The following FGF18 variants were observed in gnomAD, a reference collection of about 807,000 sequenced individuals.
The protein encoded by FGF18 is fibroblast growth factor 18.
In FGF18, 5 loss-of-function variants were observed where a neutral mutation model predicts 23.0. The ratio of observed to expected loss-of-function variants is 0.22; its 90% CI spans 0.11 to 0.46. FGF18 has a LOEUF of 0.46. FGF18 is among the 20% of genes least tolerant of loss of function. FGF18 has a pLI of 0.99. For missense variants in FGF18, 180 were observed against 291.6 expected (o/e 0.62, Z 2.79); for synonymous variants, 117 against 118.9 (o/e 0.98, Z 0.10).
intron 2 of FGF18, among the ~76,000 whole-genome samples, chr5:171,435,080 G>A (rs994626878): frequency 2.0e-5 from 3 of 152,184 alleles, no homozygotes; most frequent in African/African-American, 7.2e-5. Flanking sequence ...GCAGGAGTGT[G>A]TTTTGATTTT....
In FGF18 at chr5:171,449,241, G is replaced by A. The variant is rs146062033; in HGVS notation, c.345G>A (p.Lys115=). 33 of 1,613,526 alleles carry A rather than the reference G, an allele frequency of 2.0e-5. No individual in the cohort carries two copies. In the African/African-American group the frequency reaches 3.7e-4, roughly 18 times the overall value. The change falls in exon 4 of 5, where the codon AAG becomes AAA. Residue 115 remains lysine, a synonymous_variant. Coordinates refer to ENST00000274625, the MANE Select transcript of FGF18 (RefSeq NM_003862.3). ...ACCTGTGCATGAACCGCAAAGGCAA[G>A]CTCGTGGGGAAGGTGAGTGATGGTT... ...EFYLCMNRKG[K]LVGKPDGTSK... is the part of the protein sequence containing the mutation.
chr5:171,438,648 G>A (rs1333515772), intron 3 of FGF18, among the ~76,000 whole-genome samples: 1 of 151,962 alleles, frequency 6.6e-6, no homozygotes, highest in Non-Finnish European at 1.5e-5. Context: ...CCGACCCCCC[G>A]ACACCCAGGG....
intron 3 of FGF18, among the ~76,000 whole-genome samples, chr5:171,444,388 G>T (rs750938794): frequency 3.9e-5 from 6 of 152,204 alleles, no homozygotes; most frequent in African/African-American, 1.2e-4. Context: ...GTAAATTGGG[G>T]ATAATAACAA....
At chr5:171,441,434 T>G (rs1772342549) in intron 3 of FGF18, among the ~76,000 whole-genome samples, 1 of 152,188 alleles carries the variant, frequency 6.6e-6, no homozygotes, top group African/African-American at 2.4e-5. Flanking sequence ...ACAGCAGCCT[T>G]CCGGGCATCC....
rs557089223 is a variant in FGF18 at position 171,436,338 on chromosome 5, C to A, written c.250+65C>A. ...TACATGTCCTTCCTGGCCTCAGAGA[C>A]CTCAAGTTCAAATGCCAGCCTTGCT... is the stretch of plus-strand genomic sequence containing the variant. On this transcript the variant is annotated intron_variant, in intron 3 of 4. Coordinates refer to ENST00000274625, the MANE Select transcript of FGF18 (RefSeq NM_003862.3). This position sits in a 1 kb window ranked among gnomAD's most constrained non-coding sequence, Gnocchi z 4.4. 106 of 1,296,238 alleles carry A rather than the reference C, an allele frequency of 8.2e-5. 2 individuals carry two copies. The South Asian group carries it at 1.9e-3, about 23-fold the overall frequency. 80.3% of individuals were successfully genotyped at this position (1,296,238 alleles called of 1,614,324 possible).
chr5:171,432,396 T>C (rs138911760), intron 2 of FGF18, among the ~76,000 whole-genome samples: 2,279 of 152,044 alleles, frequency 0.015, 70 homozygotes, highest in African/African-American at 0.052. Context: ...AAAAATTATA[T>C]TTACTTATTT....
rs1458322429 is a variant in FGF18 at position 171,449,400 on chromosome 5, T to TGTGTGTGTGTGA, written c.357+148_357+149insTGTGTGTGTGAG. The TGTGTGTGTGTGA allele has an allele frequency of 3.5e-3, 1,250 of 362,056 alleles. 10 individuals are homozygous for TGTGTGTGTGTGA. The highest frequency in any genetic ancestry group is 5.5e-3 in the Middle Eastern group (6 of 1,098). The allele number at this position is 362,056 out of a possible 1,614,324, so 22.4% of individuals were successfully genotyped here. ...GTGTGTGTGTGTGTGTGTGTGTGTGTGAGAGAGAGAGAGAGAGAGAGAGAC... is the reference window on the plus strand; with the variant it reads ...GTGTGTGTGTGTGTGTGTGTGTGTGTGTGTGTGTGTGAGAGAGAGAGAGAGAGAGAGAGAGAC... On this transcript the variant is annotated intron_variant, in intron 4 of 4. Coordinates refer to ENST00000274625, the MANE Select transcript of FGF18 (RefSeq NM_003862.3).
At chr5:171,444,870 C>G (rs541653192) in intron 3 of FGF18, among the ~76,000 whole-genome samples, 1 of 152,268 alleles carries the variant, frequency 6.6e-6, no homozygotes, top group Non-Finnish European at 1.5e-5. Context: ...CTGAGCCGGG[C>G]GTGGGATAGG....
Position 171,434,326 on chromosome 5 carries a change from A to T in FGF18, c.70-1767A>T, listed in dbSNP as rs1350370189. Among the ~76,000 whole-genome samples, 1 of 152,226 alleles carries T rather than the reference A, an allele frequency of 6.6e-6. No homozygotes were observed. The highest frequency in any genetic ancestry group is 2.4e-5 in the African/African-American group (1 of 41,450). ...GGTTCAACAATGTGGTCCTGCTGAC[A>T]TACCTGTGGGCCCAGTCCAGGATCG... On this transcript the variant is annotated intron_variant, in intron 2 of 4. Coordinates refer to ENST00000274625, the MANE Select transcript of FGF18 (RefSeq NM_003862.3). This position sits in a 1 kb window ranked among gnomAD's most constrained non-coding sequence, Gnocchi z 4.6.
At chr5:171,422,162 G>A (rs1179979254) in intron 2 of FGF18, among the ~76,000 whole-genome samples, 1 of 152,200 alleles carries the variant, frequency 6.6e-6, no homozygotes. Flanking sequence ...AGGGGCTGCT[G>A]TGTGGTCTTT....
At chr5:171,449,070 C>T (rs1160933419) in intron 3 of FGF18, 77 bp from the exon 4 acceptor site, 2 of 1,073,528 alleles carry the variant, frequency 1.9e-6, no homozygotes, top group Non-Finnish European at 2.9e-6. Flanking sequence ...GGACCAGGGA[C>T]CATGTCACTG....
intron 2 of FGF18, among the ~76,000 whole-genome samples, chr5:171,430,357 CAAAAAA>C (rs397884738): frequency 1.1e-5 from 1 of 94,894 alleles, no homozygotes; most frequent in South Asian, 3.3e-4. Context: ...GACTGTGTCT[CAAAAAA>C]AAAAAAAAAA....
chr5:171,437,261 A>G (rs1772261508), intron 3 of FGF18, among the ~76,000 whole-genome samples: 1 of 152,218 alleles, frequency 6.6e-6, no homozygotes, highest in African/African-American at 2.4e-5. Context: ...TCAGGACGTG[A>G]CAACAAGACA....
intron 2 of FGF18, among the ~76,000 whole-genome samples, chr5:171,424,167 A>T (rs182889289): frequency 6.6e-6 from 1 of 152,310 alleles, no homozygotes; most frequent in Non-Finnish European, 1.5e-5. Flanking sequence ...AATAAGGTCT[A>T]GTCAGTCCCT....
intron 2 of FGF18, among the ~76,000 whole-genome samples, chr5:171,427,096 A>G (rs1333879962): frequency 6.6e-6 from 1 of 151,926 alleles, no homozygotes; most frequent in Non-Finnish European, 1.5e-5. Context: ...GATCCCAGCT[A>G]CTCAGAAAGC....
chr5:171,425,593 T>C (rs998844492), intron 2 of FGF18, among the ~76,000 whole-genome samples: 2 of 142,536 alleles, frequency 1.4e-5, no homozygotes, highest in Non-Finnish European at 3.0e-5. Flanking sequence ...TGCAGTGGCG[T>C]GATCTCGGTT....
chr5:171,436,618 C>T lies in FGF18; in HGVS notation c.250+345C>T, dbSNP rs1398479099. 6.6e-6 allele frequency among the ~76,000 whole-genome samples: 1 copy of T among 152,188 alleles called. No homozygotes were observed. The highest frequency in any genetic ancestry group is 1.5e-5 in the Non-Finnish European group (1 of 68,038). On this transcript the variant is annotated intron_variant, in intron 3 of 4. Coordinates refer to ENST00000274625, the MANE Select transcript of FGF18 (RefSeq NM_003862.3). The surrounding 1 kb of genome is among the most constrained non-coding windows in gnomAD (Gnocchi z 4.4). ...TCACCAGCCCCAGGTTCAGCCACTT[C>T]AAGGGGCAGGAGCCTCGAGGTGATG...
Position 171,420,141 on chromosome 5 carries a change from C to G in FGF18, c.-59C>G. On this transcript the variant is annotated 5_prime_UTR_variant, in exon 1 of 5. Coordinates refer to ENST00000274625, the MANE Select transcript of FGF18 (RefSeq NM_003862.3). ...GGCGGCGGAGGCGCCCGGTCCCGGCCGCGCGGAGCGGACATGTGCAGGCTG... is the reference window on the plus strand; with the variant it reads ...GGCGGCGGAGGCGCCCGGTCCCGGCGGCGCGGAGCGGACATGTGCAGGCTG... 7.3e-7 allele frequency: 1 copy of G among 1,360,950 alleles called. No individual in the cohort carries two copies. The highest frequency in any genetic ancestry group is 9.4e-7 in the Non-Finnish European group (1 of 1,061,262). The allele number at this position is 1,360,950 out of a possible 1,614,324, so 84.3% of individuals were successfully genotyped here. A position where few individuals can be genotyped will look rare whatever the true frequency, so the allele number is the denominator to read the frequency against.
chr5:171,435,338 T>C (rs1406416069), intron 2 of FGF18, among the ~76,000 whole-genome samples: 1 of 152,156 alleles, frequency 6.6e-6, no homozygotes, highest in Non-Finnish European at 1.5e-5. Flanking sequence ...AGGTGCAAGT[T>C]GTCCCAATGA....
Sources: allele counts gnomAD v4.1 joint callset (sites outside exome capture counted in the v4.1 genomes callset), GRCh38; gene constraint gnomAD v4.1.1; non-coding constraint Gnocchi (gnomAD v3.1); transcripts MANE v1.5; gene names NCBI Gene and HGNC (gene_info 2026-07-23, HGNC 2026-07-21).